CEP57L1: variants seen among roughly 807,000 people sequenced by gnomAD.
CEP57L1 encodes the protein centrosomal protein 57 like 1, also known as centrosomal protein CEP57L1.
In CEP57L1, 37 loss-of-function variants were observed where a neutral mutation model predicts 61.0. That is an observed-to-expected ratio of 0.61 (90% CI 0.47 to 0.80). CEP57L1 has a LOEUF of 0.80. Ranked by LOEUF, CEP57L1 falls within the 30% of genes least tolerant of loss-of-function variation. The pLI is 0.00. For synonymous variants in CEP57L1, 137 were observed against 162.3 expected (o/e 0.84, Z 1.19); for missense variants, 422 against 524.7 (o/e 0.80, Z 1.91).
Position 109,163,153 on chromosome 6 carries a change from A to T in CEP57L1, c.*183A>T. 1 of 505,086 alleles carries T rather than the reference A, an allele frequency of 2.0e-6. No homozygotes were observed. The highest frequency in any genetic ancestry group is 5.3e-4 in the Middle Eastern group (1 of 1,890). The allele number at this position is 505,086 out of a possible 1,614,324, so 31.3% of individuals were successfully genotyped here. On this transcript the variant is annotated 3_prime_UTR_variant, in exon 11 of 11. Transcript: ENST00000517392. ...CTGGTGGGTTCCAAATAATAAATTA[A>T]TTGCTTTTTTATTTTTCTTATTGAT...
In CEP57L1 at chr6:109,159,034, T is replaced by C. The variant is rs751782688; in HGVS notation, c.754T>C (p.Cys252Arg). 1.9e-6 allele frequency: 3 copies of C among 1,609,974 alleles called. No homozygotes were observed. The highest frequency in any genetic ancestry group is 2.2e-5 in the South Asian group (2 of 90,020). Residue 252 changes from cysteine (C) to arginine (R), a missense_variant, in exon 8 of 11, where the codon TGT becomes CGT. Coordinates refer to ENST00000517392, the MANE Select transcript of CEP57L1 (RefSeq NM_001271852.3). The part of the protein sequence containing the change: ...EKKKSSKKTK[C>R]IKRRPPWQIC... ...TCTTGCCAATCTCTAGAAAACTAAA[T>C]GTATAAAGAGACGACCACCTTGGCA...
At chr6:109,146,382 A>G (rs924670564) in intron 2 of CEP57L1, among the ~76,000 whole-genome samples, 6 of 151,952 alleles carry the variant, frequency 3.9e-5, no homozygotes, top group Admixed American at 2.0e-4. Context: ...CTAAATTGCC[A>G]TGTTAATTAG....
Position 109,173,520 on chromosome 6 carries a change from G to A in CEP57L1, c.*10550G>A, listed in dbSNP as rs147643880. Reference sequence around the variant, plus strand: ...GCTCACTGCAACCTCAAACTCTTGGGCTTAAGCAGTCCTCCTGCCTCTGCC... The same window carrying A: ...GCTCACTGCAACCTCAAACTCTTGGACTTAAGCAGTCCTCCTGCCTCTGCC... On this transcript the variant is annotated 3_prime_UTR_variant, in exon 11 of 11. Transcript: ENST00000517392. 1.9e-3 allele frequency among the ~76,000 whole-genome samples: 278 copies of A among 149,320 alleles called. 1 individual carries two copies. The highest frequency in any genetic ancestry group is 0.014 in the Middle Eastern group (4 of 290).
rs1260272965 is a variant in CEP57L1, at chr6:109,159,465, A to T, written c.1016+3A>T. On this transcript the variant is annotated splice_donor_region_variant and intron_variant, in intron 9 of 10. Transcript: ENST00000517392. ...GATGAGCTGGACCAAATGAGCATGT[A>T]AGTATTTATATTCTTTTTTTTTTTC... The T allele has an allele frequency of 2.5e-6, 4 of 1,611,282 alleles. No homozygotes were observed. Among genetic ancestry groups the T allele is most frequent in the Non-Finnish European group, 3.4e-6 (4 of 1,178,708 alleles).
At chr6:109,155,384 C>A in intron 6 of CEP57L1, 77 bp downstream of exon 6, 1 of 755,040 alleles carries the variant, frequency 1.3e-6, no homozygotes, top group Non-Finnish European at 2.0e-6. Context: ...TAACTGAAGC[C>A]TATGTTCTAG....
intron 1 of CEP57L1, among the ~76,000 whole-genome samples, chr6:109,110,237 C>T (rs1771435831): frequency 6.6e-6 from 1 of 152,110 alleles, no homozygotes; most frequent in Non-Finnish European, 1.5e-5. Flanking sequence ...GCCATTCTAA[C>T]TGGCATGAGA....
At chr6:109,135,705 A>C (rs1186904773) in intron 1 of CEP57L1, among the ~76,000 whole-genome samples, 2 of 152,232 alleles carry the variant, frequency 1.3e-5, no homozygotes, top group Non-Finnish European at 2.9e-5. Flanking sequence ...AAAGAACTCA[A>C]ACAAATTTAC....
rs564255008 is a variant in CEP57L1 at position 109,148,583 on chromosome 6, G to A, written c.341-1535G>A. Among the ~76,000 whole-genome samples, 1,203 of 152,192 alleles carry A rather than the reference G, an allele frequency of 7.9e-3. 20 individuals are homozygous for A. Among genetic ancestry groups the A allele is most frequent in the African/African-American group, 0.028 (1,154 of 41,504 alleles). On this transcript the variant is annotated intron_variant, in intron 3 of 10. Coordinates refer to ENST00000517392, the MANE Select transcript of CEP57L1 (RefSeq NM_001271852.3). ...GAATAGTGCCGCAATAAACATACGT[G>A]TGCATGTGTCTTTGTAGCAGCATGA...
chr6:109,153,991 A>G, intron 5 of CEP57L1, 42 bp downstream of exon 5: 3 of 1,008,722 alleles, frequency 3.0e-6, no homozygotes, highest in Non-Finnish European at 4.6e-6. Context: ...ATGAATCTTT[A>G]GTGTTAAGCA....
At chr6:109,125,506 A>G (rs557796998) in intron 1 of CEP57L1, among the ~76,000 whole-genome samples, 10 of 145,532 alleles carry the variant, frequency 6.9e-5, no homozygotes, top group Non-Finnish European at 1.5e-4. Context: ...ATATATATAT[A>G]TACATATATA....
rs1297684791 is a variant in CEP57L1 at position 109,170,905 on chromosome 6, G to C, written c.*7935G>C. On this transcript the variant is annotated 3_prime_UTR_variant, in exon 11 of 11. Transcript: ENST00000517392. ...TTTAAAGCTGGGAAAGTCAGTACCA[G>C]AGTTAAAAACAAGTTACTTTAAAGA... Among the ~76,000 whole-genome samples, 5 of 152,210 alleles carry C rather than the reference G, an allele frequency of 3.3e-5. No individual in the cohort carries two copies. The highest frequency in any genetic ancestry group is 7.4e-5 in the Non-Finnish European group (5 of 68,006).
At chr6:109,133,184 T>C (rs1774394536) in intron 1 of CEP57L1, among the ~76,000 whole-genome samples, 1 of 152,188 alleles carries the variant, frequency 6.6e-6, no homozygotes, top group African/African-American at 2.4e-5. Context: ...CAATCTTATA[T>C]GTTAAGGCAG....
intron 1 of CEP57L1, among the ~76,000 whole-genome samples, chr6:109,121,854 A>G (rs1231026194): frequency 2.0e-5 from 3 of 152,212 alleles, no homozygotes; most frequent in African/African-American, 7.2e-5. Flanking sequence ...TCTTTGTTTT[A>G]TAGTTATTTT....
intron 1 of CEP57L1, among the ~76,000 whole-genome samples, chr6:109,117,574 G>A (rs1772452033): frequency 6.6e-6 from 1 of 152,138 alleles, no homozygotes; most frequent in Non-Finnish European, 1.5e-5. Flanking sequence ...GAGTTAGTGA[G>A]GCATTGCATT....
intron 1 of CEP57L1, among the ~76,000 whole-genome samples, chr6:109,125,493 TATATATATATATATAC>T (rs1773444793): frequency 9.1e-6 from 1 of 110,238 alleles, no homozygotes; most frequent in African/African-American, 3.8e-5. Context: ...TTTTAAATGC[TATATATATATATATAC>T]ATATATATAT....
upstream of CEP57L1, chr6:109,095,329 T>C (rs1054753714): frequency 2.0e-5 from 20 of 985,848 alleles, no homozygotes; most frequent in Non-Finnish European, 2.3e-5. Context: ...AAGGGACTCC[T>C]GGAAGAAATT....
chr6:109,103,477 C>T (rs1770565798), intron 1 of CEP57L1, among the ~76,000 whole-genome samples: 1 of 152,150 alleles, frequency 6.6e-6, no homozygotes, highest in South Asian at 2.1e-4. Flanking sequence ...CTTTTCAGCC[C>T]TTCAAAAACA....
At position 109,163,887 on chromosome 6, in the gene CEP57L1, A is replaced by AT. The variant is rs1773925480; in HGVS notation, c.*920dup. The AT allele has an allele frequency of 6.6e-6, 1 of 152,142 alleles. No homozygotes were observed. 9.4% of individuals were successfully genotyped at this position (152,142 alleles called of 1,614,324 possible). A position where few individuals can be genotyped will look rare whatever the true frequency, so the allele number is the denominator to read the frequency against. ...ATTGTGTATGCATGCTTTATAATAA[A>AT]TTTACACTTGATCATTTTTCTGGAA... is the stretch of plus-strand genomic sequence containing the variant. On this transcript the variant is annotated 3_prime_UTR_variant, in exon 11 of 11. Coordinates refer to ENST00000517392, the MANE Select transcript of CEP57L1 (RefSeq NM_001271852.3).
At position 109,162,909 on chromosome 6, in the gene CEP57L1, C is replaced by T. The variant is rs751579804; in HGVS notation, c.1322C>T (p.Pro441Leu). The T allele has an allele frequency of 3.1e-6, 5 of 1,613,046 alleles. No individual in the cohort carries two copies. The East Asian group carries it at 8.9e-5, about 29-fold the overall frequency. Residue 441 changes from proline to leucine, a missense_variant, in exon 11 of 11, where the codon CCA (proline) becomes CTA (leucine). By Grantham distance (98) the Pro-to-Leu change is moderately conservative. Transcript: ENST00000517392. ...NLFQKNSSFH[P>L]IRVHNLQMKL... is the part of the protein sequence containing the mutation. The stretch of plus-strand genomic sequence containing the variant: ...TTTCAGAAAAACAGCAGCTTTCATC[C>T]AATACGAGTTCATAATCTTCAAATG...
Sources: allele counts gnomAD v4.1 joint callset (sites outside exome capture counted in the v4.1 genomes callset), GRCh38; gene constraint gnomAD v4.1.1; transcripts MANE v1.5; gene names NCBI Gene and HGNC (gene_info 2026-07-23, HGNC 2026-07-21).